Variants in MAD1L1 observed in about 807,000 individuals in gnomAD.
MAD1L1 encodes the protein mitotic spindle assembly checkpoint protein MAD1.
MAD1L1 carries 95 observed loss-of-function variants against 96.9 expected under a neutral mutation model. That is an observed-to-expected ratio of 0.98 (90% CI 0.83 to 1.16). The LOEUF (loss-of-function observed/expected upper bound fraction) is 1.16, where lower values mean the gene tolerates loss of function less well. MAD1L1 is among the 50% of genes most tolerant of loss of function. The pLI, the probability that MAD1L1 is intolerant of heterozygous loss-of-function variation, is 0.00. For missense variants in MAD1L1, 1,007 were observed against 954.4 expected (o/e 1.06, Z -0.73); for synonymous variants, 473 against 396.6 (o/e 1.19, Z -2.29).
chr7:2,051,441 A>AGTGGTGGCGAGGGGG (rs1784163429), intron 12 of MAD1L1, among the ~76,000 whole-genome samples: 1 of 152,150 alleles, frequency 6.6e-6, no homozygotes, highest in Non-Finnish European at 1.5e-5. Context: ...ATCTGGATGA[A>AGTGGTGGCGAGGGGG]GTGGTGGCGA....
At chr7:2,174,694 T>A (rs572734677) in intron 10 of MAD1L1, among the ~76,000 whole-genome samples, 19 of 152,336 alleles carry the variant, frequency 1.2e-4, no homozygotes, top group African/African-American at 4.6e-4. Flanking sequence ...CCAGAACTCT[T>A]CTTGTTCACT....
intron 10 of MAD1L1, among the ~76,000 whole-genome samples, chr7:2,185,104 G>A (rs540702795): frequency 6.6e-6 from 1 of 152,282 alleles, no homozygotes; most frequent in Admixed American, 6.5e-5. Context: ...GCAGGGCCAG[G>A]ACAAGGGTGA....
At chr7:2,064,028 G>C (rs1349926606) in intron 12 of MAD1L1, among the ~76,000 whole-genome samples, 1 of 152,162 alleles carries the variant, frequency 6.6e-6, no homozygotes, top group East Asian at 1.9e-4. Context: ...TAGCAGGCCG[G>C]CTCCACAGAT....
intron 10 of MAD1L1, among the ~76,000 whole-genome samples, chr7:2,157,928 C>T (rs1789919987): frequency 1.3e-5 from 2 of 152,264 alleles, no homozygotes; most frequent in East Asian, 1.9e-4. Flanking sequence ...TTATTACGGC[C>T]TAAGAATAAC....
intron 10 of MAD1L1, among the ~76,000 whole-genome samples, chr7:2,178,685 T>C (rs1278928974): frequency 6.6e-6 from 1 of 151,910 alleles, no homozygotes; most frequent in Non-Finnish European, 1.5e-5. Flanking sequence ...TCACCTGAGG[T>C]CAGAAGTTCG....
At chr7:2,057,545 GGAAT>G (rs1484918011) in intron 12 of MAD1L1, among the ~76,000 whole-genome samples, 1 of 151,388 alleles carries the variant, frequency 6.6e-6, no homozygotes, top group Non-Finnish European at 1.5e-5. Flanking sequence ...AAGAAGTTGG[GGAAT>G]GAAACATTAA....
chr7:1,895,127 G>A (rs1481210107), intron 18 of MAD1L1, among the ~76,000 whole-genome samples: 1 of 152,212 alleles, frequency 6.6e-6, no homozygotes, highest in Non-Finnish European at 1.5e-5. Context: ...GCTGGGCCCA[G>A]GTGAAGAGGA....
chr7:1,840,673 G>C (rs978858278), intron 18 of MAD1L1, among the ~76,000 whole-genome samples: 1 of 152,246 alleles, frequency 6.6e-6, no homozygotes, highest in East Asian at 1.9e-4. Flanking sequence ...AGGTTGCAGT[G>C]AGCCAAGATC....
chr7:2,061,699 T>C (rs892789048), intron 12 of MAD1L1, among the ~76,000 whole-genome samples: 1 of 152,202 alleles, frequency 6.6e-6, no homozygotes, highest in African/African-American at 2.4e-5. Context: ...CCAAACGTCA[T>C]ACACGTGTTA....
chr7:1,970,496 G>A (rs1780357739), intron 15 of MAD1L1, among the ~76,000 whole-genome samples: 1 of 152,090 alleles, frequency 6.6e-6, no homozygotes, highest in South Asian at 2.1e-4. Flanking sequence ...ACCACGCCCA[G>A]CTAAGTTTTC....
chr7:1,983,298 C>T (rs1280884171), intron 14 of MAD1L1, among the ~76,000 whole-genome samples: 4 of 152,180 alleles, frequency 2.6e-5, no homozygotes, highest in Admixed American at 6.5e-5. Flanking sequence ...AGTATCTGCG[C>T]TTTGAAGATC....
rs528300101 is a variant in MAD1L1 at position 1,830,543 on chromosome 7, T to C, written c.1999-14315A>G. ...TTATTATTTACATCTCTTTCAAAGA[T>C]AGCTGACTAAACAGAAATAAAAACA... On this transcript the variant is annotated intron_variant, in intron 18 of 18. Coordinates refer to ENST00000265854, the MANE Select transcript of MAD1L1 (RefSeq NM_001013836.2). Among the ~76,000 whole-genome samples the C allele has an allele frequency of 7.2e-5, 11 of 152,364 alleles. No homozygotes were observed. The East Asian group carries it at 2.1e-3, about 29-fold the overall frequency.
intron 11 of MAD1L1, among the ~76,000 whole-genome samples, chr7:2,112,327 G>C (rs1309026281): frequency 6.6e-6 from 1 of 152,094 alleles, no homozygotes; most frequent in African/African-American, 2.4e-5. Flanking sequence ...GAATGAAAAA[G>C]ACTCAAAATG....
At chr7:2,221,109 A>G in intron 5 of MAD1L1, 1 of 1,319,408 alleles carries the variant, frequency 7.6e-7, no homozygotes, top group East Asian at 2.4e-5. Flanking sequence ...TGACAGGCCA[A>G]AGCAGCAGCA....
At chr7:2,165,103 T>C (rs1051646145) in intron 10 of MAD1L1, among the ~76,000 whole-genome samples, 20 of 143,100 alleles carry the variant, frequency 1.4e-4, no homozygotes, top group African/African-American at 5.2e-4. Flanking sequence ...ATTCTGGAGG[T>C]TGAGGCAGGA....
rs183206789 is a variant in MAD1L1, at chr7:2,171,784, T to C, written c.987-22546A>G. On this transcript the variant is annotated intron_variant, in intron 10 of 18. Transcript: ENST00000265854. ...AAAGGGCAGCAGAGAAGCCCAGCAG[T>C]TGGAGGGTGGAGCTGCTGTGTTCCT... Among the ~76,000 whole-genome samples, 573 of 151,728 alleles carry C rather than the reference T, an allele frequency of 3.8e-3. 2 individuals are homozygous for C. The highest frequency in any genetic ancestry group is 5.7e-3 in the Non-Finnish European group (384 of 67,686).
chr7:2,167,011 G>A (rs1790460732), intron 10 of MAD1L1, among the ~76,000 whole-genome samples: 1 of 152,218 alleles, frequency 6.6e-6, no homozygotes, highest in Non-Finnish European at 1.5e-5. Context: ...AGAAGTGCCT[G>A]TAGCTCACGG....
intron 11 of MAD1L1, among the ~76,000 whole-genome samples, chr7:2,092,262 T>A (rs1412611034): frequency 6.6e-6 from 1 of 152,218 alleles, no homozygotes; most frequent in Non-Finnish European, 1.5e-5. Flanking sequence ...ATCCTCTTTT[T>A]ATTTTTTAAT....
At chr7:2,099,133 T>C (rs896676159) in intron 11 of MAD1L1, among the ~76,000 whole-genome samples, 2 of 152,140 alleles carry the variant, frequency 1.3e-5, no homozygotes, top group African/African-American at 2.4e-5. Context: ...AGCGCAGTGG[T>C]AGCACAGCCT....
Sources: gnomAD v4.1 joint callset for allele counts (sites outside exome capture counted in the v4.1 genomes callset) on GRCh38, gnomAD v4.1.1 for gene constraint, MANE v1.5 for transcripts, NCBI Gene and HGNC (gene_info 2026-07-23, HGNC 2026-07-21) for gene names.